Variants in CACNA1E observed in about 807,000 individuals in gnomAD.
CACNA1E encodes voltage-dependent R-type calcium channel subunit alpha-1E.
A neutral mutation model predicts 259.2 loss-of-function variants in CACNA1E; 40 were observed. The observed-to-expected ratio is 0.15, with a 90% CI of 0.12 to 0.20. CACNA1E has a LOEUF of 0.20. CACNA1E is among the 10% of genes least tolerant of loss of function. The pLI is 1.00. For missense variants in CACNA1E, 1,874 were observed against 3,040.1 expected (o/e 0.62, Z 9.02); for synonymous variants, 1,104 against 1,138.5 (o/e 0.97, Z 0.61).
At position 181,336,356 on chromosome 1, in the gene CACNA1E, G is replaced by C. The variant is rs201996703; in HGVS notation, c.-15+18233G>C. 1.2e-4 allele frequency among the ~76,000 whole-genome samples: 18 copies of C among 152,238 alleles called. No individual in the cohort carries two copies. In the East Asian group the frequency reaches 3.3e-3, roughly 28 times the overall value. On this transcript the variant is annotated intron_variant, in intron 1 of 11. Transcript: ENST00000524607. ...GTAGGCACTACTCTAAGCCCTATAC[G>C]TGCCTCAAAACAACTCAATGCAGTA...
chr1:181,334,685 C>T (rs2085623), intron 1 of CACNA1E, among the ~76,000 whole-genome samples: 7,467 of 152,272 alleles, frequency 0.049, 619 homozygotes, highest in African/African-American at 0.17. Flanking sequence ...ACCACCTCCA[C>T]TGCTACCAGC....
At chr1:181,683,670 A>G (rs1466518796) in intron 7 of CACNA1E, among the ~76,000 whole-genome samples, 3 of 152,182 alleles carry the variant, frequency 2.0e-5, no homozygotes, top group African/African-American at 7.2e-5. Context: ...GTTCCCTCTT[A>G]TAAATGAGAA....
rs60393528 is a variant in CACNA1E, at chr1:181,747,450, ATTT to A, written c.3720-3009_3720-3007del. Among the ~76,000 whole-genome samples the A allele has an allele frequency of 6.3e-3, 772 of 122,814 alleles. 4 individuals carry two copies. The highest frequency in any genetic ancestry group is 0.013 in the African/African-American group (397 of 31,180). The allele number at this position is 122,814 out of a possible 152,430, so 80.6% of individuals were successfully genotyped here. On this transcript the variant is annotated intron_variant, in intron 25 of 47. Transcript: ENST00000367573. ...ACTGATGAAACAAGAAAAATCTGTCATTTTTTTTTTTTTTTTTTTACTGGAGAG... is the reference window on the plus strand; with the variant it reads ...ACTGATGAAACAAGAAAAATCTGTCATTTTTTTTTTTTTTTTACTGGAGAG...
chr1:181,542,343 G>T (rs1270528508), intron 3 of CACNA1E, among the ~76,000 whole-genome samples: 2 of 152,170 alleles, frequency 1.3e-5, no homozygotes, highest in East Asian at 1.9e-4. Context: ...ACTTTGTAAA[G>T]AACTAGTTTA....
chr1:181,707,251 C>CT (rs1271434916), intron 7 of CACNA1E, among the ~76,000 whole-genome samples: 1 of 152,222 alleles, frequency 6.6e-6, no homozygotes, highest in African/African-American at 2.4e-5. Flanking sequence ...GGTGCTGGAG[C>CT]TGCTTAGGAG....
chr1:181,514,124 G>A (rs1481708810), intron 3 of CACNA1E, among the ~76,000 whole-genome samples: 1 of 152,172 alleles, frequency 6.6e-6, no homozygotes, highest in African/African-American at 2.4e-5. Flanking sequence ...AGGAATGCAT[G>A]ATCATATTTA....
At chr1:181,441,781 G>A (rs1030933084) in intron 2 of CACNA1E, among the ~76,000 whole-genome samples, 2 of 152,192 alleles carry the variant, frequency 1.3e-5, no homozygotes, top group Non-Finnish European at 2.9e-5. Flanking sequence ...GTGTGTTTGG[G>A]CTGGAGGCAA....
chr1:181,779,478 T>C (rs1351023368), intron 38 of CACNA1E: 1 of 455,530 alleles, frequency 2.2e-6, no homozygotes, highest in African/African-American at 2.0e-5. Context: ...TACAAATTAG[T>C]GCGGGTGATC....
chr1:181,319,239 A>G (rs951933622), intron 1 of CACNA1E, among the ~76,000 whole-genome samples: 3 of 152,248 alleles, frequency 2.0e-5, no homozygotes, highest in African/African-American at 4.8e-5. Flanking sequence ...GCTGGGAGTC[A>G]GGATAAGCTT....
chr1:181,408,142 G>A (rs1459340621), intron 1 of CACNA1E, among the ~76,000 whole-genome samples: 1 of 152,148 alleles, frequency 6.6e-6, no homozygotes, highest in Admixed American at 6.5e-5. Context: ...AACTTTCAGG[G>A]AATAAAGATA....
At chr1:181,428,600 TGGTTGGTGTGTGCTGCTCTTGGG>T (rs1307964864) in intron 2 of CACNA1E, among the ~76,000 whole-genome samples, 1 of 151,886 alleles carries the variant, frequency 6.6e-6, no homozygotes, top group Non-Finnish European at 1.5e-5. Flanking sequence ...GTGGTGGTGA[TGGTTGGTGTGTGCTGCTCTTGGG>T]CCCCAGTGGT....
At chr1:181,705,292 G>A (rs1055225869) in intron 7 of CACNA1E, among the ~76,000 whole-genome samples, 1 of 152,220 alleles carries the variant, frequency 6.6e-6, no homozygotes, top group African/African-American at 2.4e-5. Context: ...ATGAGATTAT[G>A]TAATTCTTCC....
At chr1:181,410,558 A>G (rs981496226) in intron 1 of CACNA1E, among the ~76,000 whole-genome samples, 2 of 152,148 alleles carry the variant, frequency 1.3e-5, no homozygotes, top group African/African-American at 4.8e-5. Context: ...AGGCTTTATC[A>G]TGTATGCGCT....
At chr1:181,406,449 T>A (rs1414118185) in intron 1 of CACNA1E, among the ~76,000 whole-genome samples, 1 of 151,968 alleles carries the variant, frequency 6.6e-6, no homozygotes, top group African/African-American at 2.4e-5. Flanking sequence ...CAGGCTGGAG[T>A]GAAGTGGCGC....
intron 7 of CACNA1E, among the ~76,000 whole-genome samples, chr1:181,691,389 A>G (rs975549891): frequency 6.6e-6 from 1 of 152,056 alleles, no homozygotes; most frequent in African/African-American, 2.4e-5. Flanking sequence ...TTTAAATTTT[A>G]AAGAAAAAAC....
At chr1:181,533,840 A>G (rs1667957083) in intron 3 of CACNA1E, among the ~76,000 whole-genome samples, 1 of 151,892 alleles carries the variant, frequency 6.6e-6, no homozygotes, top group South Asian at 2.1e-4. Flanking sequence ...TGAATGATTT[A>G]ATTTTTTTAT....
At position 181,733,636 on chromosome 1, in the gene CACNA1E, G is replaced by A. The variant is rs1428423503; in HGVS notation, c.3148G>A (p.Glu1050Lys). The A allele has an allele frequency of 3.1e-6, 5 of 1,612,956 alleles. No homozygotes were observed. The highest frequency in any genetic ancestry group is 1.1e-5 in the South Asian group (1 of 90,816). Reference sequence around the variant, plus strand: ...CATGGGCCGGGTCATCAGCCAGAGCGAGCCTGACCTCTCCTGCATCACGGC... The same window carrying A: ...CATGGGCCGGGTCATCAGCCAGAGCAAGCCTGACCTCTCCTGCATCACGGC... ...LDMGRVISQSEPDLSCITANT... is the reference protein window; with the variant it reads ...LDMGRVISQSKPDLSCITANT... The change falls in exon 21 of 48, where the codon GAG becomes AAG. Residue 1050 changes from glutamate (E) to lysine (K), a missense_variant. Glu to Lys is a moderately conservative substitution (Grantham distance 56, BLOSUM62 1). Coordinates refer to ENST00000367573, the MANE Select transcript of CACNA1E (RefSeq NM_001205293.3).
intron 25 of CACNA1E, among the ~76,000 whole-genome samples, chr1:181,742,459 C>T (rs1656670414): frequency 1.3e-5 from 2 of 152,216 alleles, no homozygotes; most frequent in Admixed American, 1.3e-4. Context: ...AACCTTATTC[C>T]TGTCCCAGTC....
chr1:181,495,571 G>A (rs1406551686), intron 1 of CACNA1E, among the ~76,000 whole-genome samples: 2 of 152,208 alleles, frequency 1.3e-5, no homozygotes. Flanking sequence ...CTGCAGCTAT[G>A]TTTTCTCTTT....
Sources: gnomAD v4.1 joint callset for allele counts (sites outside exome capture counted in the v4.1 genomes callset) on GRCh38, gnomAD v4.1.1 for gene constraint, MANE v1.5 for transcripts, NCBI Gene and HGNC (gene_info 2026-07-23, HGNC 2026-07-21) for gene names.